Variants in COQ2 observed in about 807,000 individuals in gnomAD.
COQ2 encodes coenzyme Q2, polyprenyltransferase.
Under a neutral mutation model 35.7 loss-of-function variants are expected in COQ2, and 25 were observed. The observed-to-expected ratio is 0.70, with a 90% CI of 0.51 to 0.98. The LOEUF (loss-of-function observed/expected upper bound fraction) is 0.98, where lower values mean the gene tolerates loss of function less well. Among genes scored for constraint, COQ2 ranks in the 50% least tolerant of loss-of-function variants. The probability of loss-of-function intolerance (pLI) is 0.00; values close to 1 mark genes in which losing one functional copy is unlikely to be tolerated. For synonymous variants in COQ2, 206 were observed against 186.2 expected (o/e 1.11, Z -0.86); for missense variants, 488 against 473.5 (o/e 1.03, Z -0.28).
chr4:83,272,510 C>G (rs1314840637), intron 3 of COQ2, among the ~76,000 whole-genome samples: 1 of 152,158 alleles, frequency 6.6e-6, no homozygotes, highest in Non-Finnish European at 1.5e-5. Context: ...GTTTTATTCT[C>G]TTCCTTTTTT....
At position 83,270,120 on chromosome 4, in the gene COQ2, G is replaced by T. The variant is rs1735012286; in HGVS notation, c.629-127C>A. 4 of 1,013,110 alleles carry T rather than the reference G, an allele frequency of 3.9e-6. No homozygotes were observed. The South Asian group carries it at 6.8e-5, about 17-fold the overall frequency. The allele number at this position is 1,013,110 out of a possible 1,614,324, so 62.8% of individuals were successfully genotyped here. A position where few individuals can be genotyped will look rare whatever the true frequency, so the allele number is the denominator to read the frequency against. On this transcript the variant is annotated intron_variant, in intron 4 of 6. Coordinates refer to ENST00000647002, the MANE Select transcript of COQ2 (RefSeq NM_001358921.2). ...GACTCTGTGTGTGCTGCTTTCTGTG[G>T]GTTCCTTCCTTAAACCCTTTCAACT... is the stretch of plus-strand genomic sequence containing the variant.
chr4:83,284,566 C>T lies in COQ2; in HGVS notation c.199G>A (p.Ala67Thr), dbSNP rs1735410579. The T allele has an allele frequency of 6.4e-7, 1 of 1,564,134 alleles. No individual in the cohort carries two copies. Among genetic ancestry groups the T allele is most frequent in the South Asian group, 1.2e-5 (1 of 85,314 alleles). Residue 67 changes from alanine to threonine, a missense_variant, in exon 1 of 7, where the codon GCG (alanine) becomes ACG (threonine). Transcript: ENST00000647002. ...AAGTACGGCTGCAGGGGGCGGGGCGCAGAGTCCACCACCGCCGCCGCGGAC... is the reference window on the plus strand; with the variant it reads ...AAGTACGGCTGCAGGGGGCGGGGCGTAGAGTCCACCACCGCCGCCGCGGAC... ...SLSAAAVVDSAPRPLQPYLRL... is the reference protein window; with the variant it reads ...SLSAAAVVDSTPRPLQPYLRL...
chr4:83,277,500 T>C (rs1310961880), intron 2 of COQ2, among the ~76,000 whole-genome samples: 3 of 152,258 alleles, frequency 2.0e-5, no homozygotes. Flanking sequence ...CTCCCTTAGG[T>C]TGAGGTAAGT....
At chr4:83,280,580 C>CAGTTAAAT (rs1735297002) in intron 1 of COQ2, among the ~76,000 whole-genome samples, 1 of 152,204 alleles carries the variant, frequency 6.6e-6, no homozygotes, top group South Asian at 2.1e-4. Flanking sequence ...GAAAGAAATA[C>CAGTTAAAT]AGTTAAATAA....
intron 2 of COQ2, among the ~76,000 whole-genome samples, chr4:83,276,038 TATAAAATATATA>T (rs1735164765): frequency 5.3e-5 from 1 of 18,730 alleles, no homozygotes; most frequent in Non-Finnish European, 2.0e-4. Context: ...TTATATAATA[TATAAAATATATA>T]TTATATATAA....
At chr4:83,272,234 CT>C in intron 3 of COQ2, 62 bp from the exon 4 acceptor site, 1 of 931,848 alleles carries the variant, frequency 1.1e-6, no homozygotes, top group Non-Finnish European at 1.6e-6. Flanking sequence ...CCACGAAATA[CT>C]TTAAGACAAT....
chr4:83,266,920 A>G lies in COQ2; in HGVS notation c.951+666T>C, dbSNP rs568774378. 69 of 283,804 alleles carry G rather than the reference A, an allele frequency of 2.4e-4. 1 individual carries two copies. In the East Asian group the frequency reaches 5.9e-3, roughly 24 times the overall value. The allele number at this position is 283,804 out of a possible 1,614,324, so 17.6% of individuals were successfully genotyped here. ...CTACTAACCATCACTAGAAACCCAGATTTTTTTTTAAAAGCTTTATCTGTC... is the reference window on the plus strand; with the variant it reads ...CTACTAACCATCACTAGAAACCCAGGTTTTTTTTTAAAAGCTTTATCTGTC... On this transcript the variant is annotated intron_variant, in intron 6 of 6. Coordinates refer to ENST00000647002, the MANE Select transcript of COQ2 (RefSeq NM_001358921.2).
intron 5 of COQ2, among the ~76,000 whole-genome samples, chr4:83,269,417 T>C (rs1734993129): frequency 6.6e-6 from 1 of 152,164 alleles, no homozygotes; most frequent in African/African-American, 2.4e-5. Flanking sequence ...AATGTAGTGG[T>C]TAAAAGCAGT....
intron 5 of COQ2, among the ~76,000 whole-genome samples, chr4:83,268,842 C>T (rs1287095061): frequency 6.6e-6 from 1 of 152,070 alleles, no homozygotes; most frequent in Non-Finnish European, 1.5e-5. Flanking sequence ...ACATATTCTT[C>T]AAGTAAATGA....
intron 2 of COQ2, among the ~76,000 whole-genome samples, chr4:83,276,050 ATT>A (rs1560494749): frequency 6.9e-5 from 1 of 14,404 alleles, no homozygotes; most frequent in African/African-American, 1.1e-4. Flanking sequence ...TAAAATATAT[ATT>A]ATATATAATA....
chr4:83,272,012 C>A (rs1023507645), intron 4 of COQ2, 75 bp downstream of exon 4: 97 of 918,012 alleles, frequency 1.1e-4, no homozygotes, highest in Non-Finnish European at 1.6e-4. Context: ...TTCATCTTTA[C>A]CTATTTACCT....
At chr4:83,283,784 T>C (rs1490620708) in intron 1 of COQ2, 1 of 985,302 alleles carries the variant, frequency 1.0e-6, no homozygotes, top group Non-Finnish European at 1.2e-6. Flanking sequence ...ATAAGGTTAG[T>C]TAGTGGTGAG....
chr4:83,267,800 G>T lies in COQ2; in HGVS notation c.763-26C>A, dbSNP rs1734958123. On this transcript the variant is annotated intron_variant, in intron 5 of 6. Coordinates refer to ENST00000647002, the MANE Select transcript of COQ2 (RefSeq NM_001358921.2). ...CTAATATCAGAAAGAAAAATAAACT[G>T]TTTTTTGAGATTTAGTTCACACACC... 6 of 1,503,724 alleles carry T rather than the reference G, an allele frequency of 4.0e-6. No individual in the cohort carries two copies. In the African/African-American group the frequency reaches 5.6e-5, roughly 14 times the overall value. The allele number at this position is 1,503,724 out of a possible 1,614,324, so 93.1% of individuals were successfully genotyped here.
At chr4:83,266,452 G>A (rs113613089) in intron 6 of COQ2, among the ~76,000 whole-genome samples, 32,215 of 151,402 alleles carry the variant, frequency 0.21, 4,032 homozygotes, top group African/African-American at 0.34. Context: ...CTACCTCCTG[G>A]GTTCAAGCGA....
chr4:83,269,794 T>C (rs1735002895), intron 5 of COQ2, 66 bp downstream of exon 5: 2 of 1,281,072 alleles, frequency 1.6e-6, no homozygotes, highest in Non-Finnish European at 2.1e-6. Context: ...AAATGCTTTC[T>C]CCTTAATTTG....
intron 4 of COQ2, among the ~76,000 whole-genome samples, chr4:83,270,356 C>G (rs1735020439): frequency 6.6e-6 from 1 of 152,112 alleles, no homozygotes; most frequent in South Asian, 2.1e-4. Flanking sequence ...CTCTCTGACT[C>G]AAAAACCCAT....
intron 3 of COQ2, among the ~76,000 whole-genome samples, chr4:83,272,566 T>C (rs72936017): frequency 1.4e-3 from 210 of 152,320 alleles, no homozygotes; most frequent in African/African-American, 4.7e-3. Flanking sequence ...AGTTTGCTAA[T>C]TGTCATATAG....
rs187170582 is a variant in COQ2, at chr4:83,279,211, A to G, written c.254-97T>C. The G allele has an allele frequency of 0.011, 15,104 of 1,358,886 alleles. 101 individuals are homozygous for G. Among genetic ancestry groups the G allele is most frequent in the Non-Finnish European group, 0.013 (13,112 of 1,039,288 alleles). 84.2% of individuals were successfully genotyped at this position (1,358,886 alleles called of 1,614,324 possible). ...ACATACCAAAGAAATAAAGAACACT[A>G]TAAGTCAAAAAAACAAATGACAAAA... is the stretch of plus-strand genomic sequence containing the variant. On this transcript the variant is annotated intron_variant, in intron 1 of 6. Transcript: ENST00000647002.
At chr4:83,279,218 A>G (rs1411474054) in intron 1 of COQ2, 104 bp from the exon 2 acceptor site, 11 of 1,309,736 alleles carry the variant, frequency 8.4e-6, no homozygotes, top group Admixed American at 3.7e-5. Flanking sequence ...ACTATAAGTC[A>G]AAAAAACAAA....
Sources: allele counts gnomAD v4.1 joint callset (sites outside exome capture counted in the v4.1 genomes callset), GRCh38; gene constraint gnomAD v4.1.1; transcripts MANE v1.5; gene names NCBI Gene and HGNC (gene_info 2026-07-23, HGNC 2026-07-21).